Variants in FHAD1 observed in about 807,000 individuals in gnomAD.
FHAD1 encodes the protein forkhead-associated domain-containing protein 1.
In FHAD1, 146 loss-of-function variants were observed where a neutral mutation model predicts 191.3. The observed-to-expected ratio is 0.76, with a 90% confidence interval of 0.67 to 0.88. FHAD1 has a LOEUF of 0.88. Among genes scored for constraint, FHAD1 ranks in the 40% least tolerant of loss-of-function variants. The pLI, the probability that FHAD1 is intolerant of heterozygous loss-of-function variation, is 0.00. For synonymous variants in FHAD1, 616 were observed against 672.3 expected (o/e 0.92, Z 1.29); for missense variants, 1,635 against 1,785.8 (o/e 0.92, Z 1.52).
intron 1 of FHAD1, among the ~76,000 whole-genome samples, chr1:15,242,090 G>C (rs971358547): frequency 6.6e-6 from 1 of 151,906 alleles, no homozygotes; most frequent in Non-Finnish European, 1.5e-5. Flanking sequence ...AAAAGTAGCC[G>C]GGCATGGTGG....
At chr1:15,305,756 G>A (rs751617208) in intron 6 of FHAD1, 22 of 447,518 alleles carry the variant, frequency 4.9e-5, no homozygotes, top group South Asian at 1.6e-4. Context: ...TCTTGCCGCC[G>A]CCATGTAAGA....
chr1:15,392,582 T>G (rs1704455403), intron 33 of FHAD1, among the ~76,000 whole-genome samples: 1 of 152,084 alleles, frequency 6.6e-6, no homozygotes, highest in East Asian at 1.9e-4. Flanking sequence ...GCTTGGGGTC[T>G]CCGTCCTCTA....
At chr1:15,277,410 A>G (rs1658790782) in intron 3 of FHAD1, among the ~76,000 whole-genome samples, 2 of 152,218 alleles carry the variant, frequency 1.3e-5, no homozygotes, top group Non-Finnish European at 2.9e-5. Flanking sequence ...CCGGGCAGGA[A>G]CACATTAACC....
intron 26 of FHAD1, among the ~76,000 whole-genome samples, chr1:15,373,937 G>A (rs1238707785): frequency 6.6e-6 from 1 of 152,184 alleles, no homozygotes; most frequent in Non-Finnish European, 1.5e-5. Context: ...GTCCATCTGG[G>A]TCTAGTGGCC....
At chr1:15,297,973 T>C (rs1047118711) in intron 5 of FHAD1, among the ~76,000 whole-genome samples, 1 of 152,116 alleles carries the variant, frequency 6.6e-6, no homozygotes, top group Non-Finnish European at 1.5e-5. Flanking sequence ...AGCATGGAGA[T>C]GCCTTAAAGA....
At chr1:15,395,885 G>A (rs1366400361) in intron 33 of FHAD1, among the ~76,000 whole-genome samples, 4 of 152,268 alleles carry the variant, frequency 2.6e-5, no homozygotes, top group Middle Eastern at 3.4e-3. Context: ...GCCCAGGGAA[G>A]CCAAAAGTTT....
At chr1:15,263,064 A>G (rs1366702885) in intron 2 of FHAD1, among the ~76,000 whole-genome samples, 2 of 152,100 alleles carry the variant, frequency 1.3e-5, no homozygotes, top group South Asian at 2.1e-4. Context: ...GATCTTGAGC[A>G]TTCTTCTCAT....
At chr1:15,303,701 T>C (rs1182749401) in intron 6 of FHAD1, among the ~76,000 whole-genome samples, 1 of 152,084 alleles carries the variant, frequency 6.6e-6, no homozygotes, top group Non-Finnish European at 1.5e-5. Context: ...ATACAAAAGT[T>C]AGCCAAGCGT....
chr1:15,293,151 A>G (rs1239593682), intron 4 of FHAD1, among the ~76,000 whole-genome samples: 2 of 152,152 alleles, frequency 1.3e-5, no homozygotes, highest in South Asian at 2.1e-4. Flanking sequence ...GTGAACACTC[A>G]CTACGTTTTG....
At chr1:15,344,401 C>T (rs926880548) in intron 16 of FHAD1, among the ~76,000 whole-genome samples, 4 of 152,202 alleles carry the variant, frequency 2.6e-5, no homozygotes, top group African/African-American at 7.2e-5. Flanking sequence ...ACAACAATCC[C>T]TTGGTTTGTG....
Position 15,355,208 on chromosome 1 carries a change from CAA to C in FHAD1, c.2562+2238_2562+2239del, listed in dbSNP as rs58614945. Among the ~76,000 whole-genome samples the C allele has an allele frequency of 7.9e-3, 798 of 100,598 alleles. 10 individuals are homozygous for C. Among genetic ancestry groups the C allele is most frequent in the African/African-American group, 0.025 (753 of 30,268 alleles). The allele number at this position is 100,598 out of a possible 152,430, so 66.0% of individuals were successfully genotyped here. ...TGGGCAATAGAGTGAGACTCCTTCT[CAA>C]AAAAAAAAAAAAAGAAAGTGGGGTC... On this transcript the variant is annotated intron_variant, in intron 20 of 33. Coordinates refer to ENST00000688493, the MANE Select transcript of FHAD1 (RefSeq NM_001391957.1).
chr1:15,355,335 T>C (rs2473359), intron 20 of FHAD1, among the ~76,000 whole-genome samples: 1 of 151,858 alleles, frequency 6.6e-6, no homozygotes, highest in African/African-American at 2.4e-5. Flanking sequence ...TCCAAGGAAA[T>C]ACAAGTACAG....
At chr1:15,375,350 T>C (rs1699297295) in intron 27 of FHAD1, among the ~76,000 whole-genome samples, 1 of 152,158 alleles carries the variant, frequency 6.6e-6, no homozygotes, top group African/African-American at 2.4e-5. Flanking sequence ...CTTGGTTCCA[T>C]GGCTGAAGGA....
intron 23 of FHAD1, chr1:15,364,139 T>C (rs568995681): frequency 9.2e-6 from 2 of 217,756 alleles, no homozygotes; most frequent in African/African-American, 2.3e-5. Flanking sequence ...GTTGGAAGAT[T>C]TGTGGTTGCA....
At chr1:15,363,716 C>T (rs566516901) in intron 23 of FHAD1, 8 of 455,796 alleles carry the variant, frequency 1.8e-5, no homozygotes, top group African/African-American at 1.6e-4. Flanking sequence ...TAAATGATTT[C>T]AACTCTCCTG....
intron 3 of FHAD1, among the ~76,000 whole-genome samples, chr1:15,281,503 T>C (rs1167242311): frequency 6.6e-6 from 1 of 152,094 alleles, no homozygotes; most frequent in Non-Finnish European, 1.5e-5. Context: ...CTCACACCTG[T>C]AATTCTGGCA....
At chr1:15,348,975 T>A in intron 18 of FHAD1, 67 bp from the exon 19 acceptor site, 1 of 943,536 alleles carries the variant, frequency 1.1e-6, no homozygotes, top group Non-Finnish European at 1.6e-6. Context: ...ATTATTATCA[T>A]TATCATTACT....
At chr1:15,343,208 C>T (rs1419649429) in intron 16 of FHAD1, among the ~76,000 whole-genome samples, 3 of 152,174 alleles carry the variant, frequency 2.0e-5, no homozygotes, top group Non-Finnish European at 4.4e-5. Context: ...TCCCCGCCGA[C>T]TCTCCACATT....
rs10489962 is a variant in FHAD1 at position 15,313,085 on chromosome 1, A to G, written c.1068A>G (p.Ile356Met). ...TGGTGTCATCTTTGCAAAAAGACAT[A>G]TTAGCAAAGGATGAGCAAGTTCAAC... ...SGMVSSLQKD[I>M]LAKDEQVQQL... Residue 356 changes from isoleucine (I) to methionine (M), a missense_variant, in exon 8 of 34, where the codon ATA becomes ATG. Coordinates refer to ENST00000688493, the MANE Select transcript of FHAD1 (RefSeq NM_001391957.1). 81,596 of 1,551,676 alleles carry G rather than the reference A, an allele frequency of 0.053. 2,224 individuals carry two copies. Among genetic ancestry groups the G allele is most frequent in the African/African-American group, 0.086 (6,278 of 73,146 alleles).
Sources: gnomAD v4.1 joint callset for allele counts (sites outside exome capture counted in the v4.1 genomes callset) on GRCh38, gnomAD v4.1.1 for gene constraint, MANE v1.5 for transcripts, NCBI Gene and HGNC (gene_info 2026-07-23, HGNC 2026-07-21) for gene names.